Variants in CREB3L3 observed in about 807,000 individuals in gnomAD.
The protein encoded by CREB3L3 is cAMP responsive element binding protein 3 like 3.
A neutral mutation model predicts 44.6 loss-of-function variants in CREB3L3; 40 were observed. The ratio of observed to expected loss-of-function variants is 0.90; its 90% CI spans 0.70 to 1.17. CREB3L3 has a LOEUF of 1.17. CREB3L3 is among the 50% of genes most tolerant of loss of function. The pLI is 0.00. For synonymous variants in CREB3L3, 273 were observed against 256.3 expected (o/e 1.06, Z -0.62); for missense variants, 578 against 595.8 (o/e 0.97, Z 0.31).
At chr19:4,165,849 C>T (rs1966894122) in intron 5 of CREB3L3, among the ~76,000 whole-genome samples, 1 of 151,928 alleles carries the variant, frequency 6.6e-6, no homozygotes, top group African/African-American at 2.4e-5. Context: ...TGCACTCCAG[C>T]CTGGGTGACA....
rs141964111 is a variant in CREB3L3, at chr19:4,163,328, A to AAAAGAAAGAAAGAAAGAAAG, written c.577-1168_577-1149dup. Among the ~76,000 whole-genome samples, 64 of 135,784 alleles carry AAAAGAAAGAAAGAAAGAAAG rather than the reference A, an allele frequency of 4.7e-4. 1 individual carries two copies. Among genetic ancestry groups the AAAAGAAAGAAAGAAAGAAAG allele is most frequent in the South Asian group, 2.3e-3 (9 of 3,998 alleles). 89.1% of individuals were successfully genotyped at this position (135,784 alleles called of 152,430 possible). On this transcript the variant is annotated intron_variant, in intron 4 of 9. Transcript: ENST00000078445. ...TCTAAGAAAGAAAGAAAGAAGAAAG[A>AAAAGAAAGAAAGAAAGAAAG]AAAGAAAGAAAGAAAGAAAGAAAGA...
At chr19:4,154,738 C>G (rs1175720181) in intron 1 of CREB3L3, among the ~76,000 whole-genome samples, 161 bp from the exon 2 acceptor site, 4 of 152,120 alleles carry the variant, frequency 2.6e-5, no homozygotes, top group Non-Finnish European at 4.4e-5. Context: ...CCTCAAAGTC[C>G]AGATTTGGAA....
chr19:4,171,760 G>T lies in CREB3L3; in HGVS notation c.1177G>T (p.Glu393Ter), dbSNP rs777355214. The part of the protein sequence containing the change: ...GPRPEADTTR[E>*]ESPGSPGADW... ...CCGACCCGAGGCTGACACAACCCGAGAAGAGTCTCCAGGAAGCCCCGGGGC... is the reference window on the plus strand; with the variant it reads ...CCGACCCGAGGCTGACACAACCCGATAAGAGTCTCCAGGAAGCCCCGGGGC... The change falls in exon 10 of 10, where the codon GAA (glutamate) becomes TAA (stop). Residue 393 changes from glutamate to a stop codon, truncating the protein, a stop_gained. Coordinates refer to ENST00000078445, the MANE Select transcript of CREB3L3 (RefSeq NM_032607.3). LOFTEE classifies it low-confidence loss of function (END_TRUNC). The surrounding 1 kb of genome is among the most constrained non-coding windows in gnomAD (Gnocchi z 4.9). 1 of 1,613,398 alleles carries T rather than the reference G, an allele frequency of 6.2e-7. No homozygotes were observed. The highest frequency in any genetic ancestry group is 1.1e-5 in the South Asian group (1 of 91,086).
At chr19:4,157,451 C>T (rs935548733) in intron 3 of CREB3L3, among the ~76,000 whole-genome samples, 156 bp downstream of exon 3, 2 of 152,168 alleles carry the variant, frequency 1.3e-5, no homozygotes, top group African/African-American at 4.8e-5. Context: ...CACGTGTCTC[C>T]CTTGGCTAGG....
intron 5 of CREB3L3, among the ~76,000 whole-genome samples, chr19:4,167,171 T>C (rs1165331831): frequency 6.6e-6 from 1 of 151,868 alleles, no homozygotes; most frequent in Non-Finnish European, 1.5e-5. Context: ...GGTGAAACCC[T>C]GTCTCTACTA....
At position 4,172,425 on chromosome 19, in the gene CREB3L3, C is replaced by T. The variant is rs1967074907; in HGVS notation, c.*456C>T. On this transcript the variant is annotated 3_prime_UTR_variant, in exon 10 of 10. Coordinates refer to ENST00000078445, the MANE Select transcript of CREB3L3 (RefSeq NM_032607.3). The stretch of plus-strand genomic sequence containing the variant: ...GATCCGGACAGACAGACAGAAACAG[C>T]CTGAAACAGACCCAGACAGACAGAC... 3.5e-6 allele frequency: 1 copy of T among 287,842 alleles called. No homozygotes were observed. Among genetic ancestry groups the T allele is most frequent in the Non-Finnish European group, 6.5e-6 (1 of 154,776 alleles). The allele number at this position is 287,842 out of a possible 1,614,324, so 17.8% of individuals were successfully genotyped here. A position where few individuals can be genotyped will look rare whatever the true frequency, so the allele number is the denominator to read the frequency against.
At chr19:4,157,428 C>T (rs1484390247) in intron 3 of CREB3L3, 133 bp downstream of exon 3, 2 of 994,310 alleles carry the variant, frequency 2.0e-6, no homozygotes, top group Non-Finnish European at 1.5e-6. Flanking sequence ...TGGGCCCAGA[C>T]TCAAACTCAG....
chr19:4,163,351 A>AGAAGGAAGGAAG (rs1555703364), intron 4 of CREB3L3, among the ~76,000 whole-genome samples: 96 of 117,074 alleles, frequency 8.2e-4, no homozygotes, highest in African/African-American at 1.8e-3. Context: ...AAAGAAAGAA[A>AGAAGGAAGGAAG]GAAGGAAGGA....
In CREB3L3 at chr19:4,171,691, C is replaced by T. The variant is rs769400833; in HGVS notation, c.1108C>T (p.Arg370Cys). The change falls in exon 10 of 10, where the codon CGC becomes TGC. Residue 370 changes from arginine (R) to cysteine (C), a missense_variant. Coordinates refer to ENST00000078445, the MANE Select transcript of CREB3L3 (RefSeq NM_032607.3). This position sits in a 1 kb window ranked among gnomAD's most constrained non-coding sequence, Gnocchi z 4.9. ...AACTTTGCACAACGATGCTGCCTCCCGCGTGGCTGCTGATGCTGTGCCAGG... is the reference window on the plus strand; with the variant it reads ...AACTTTGCACAACGATGCTGCCTCCTGCGTGGCTGCTGATGCTGTGCCAGG... ...SRTLHNDAAS[R>C]VAADAVPGSE... The T allele has an allele frequency of 2.2e-5, 36 of 1,613,188 alleles. 1 individual carries two copies. In the Admixed American group the frequency reaches 2.7e-4, roughly 12 times the overall value.
chr19:4,163,281 C>T (rs1049486910), intron 4 of CREB3L3, among the ~76,000 whole-genome samples: 2 of 139,906 alleles, frequency 1.4e-5, no homozygotes, highest in Non-Finnish European at 3.1e-5. Flanking sequence ...GCACTCCAGC[C>T]TGGGCGACAG....
At chr19:4,162,001 GTTTTA>G (rs1365478305) in intron 4 of CREB3L3, among the ~76,000 whole-genome samples, 3 of 152,086 alleles carry the variant, frequency 2.0e-5, no homozygotes, top group Non-Finnish European at 4.4e-5. Flanking sequence ...GGCTTATTTT[GTTTTA>G]TTTTATTTGT....
At chr19:4,161,602 G>T (rs1037727300) in intron 4 of CREB3L3, among the ~76,000 whole-genome samples, 15 of 144,186 alleles carry the variant, frequency 1.0e-4, no homozygotes, top group Non-Finnish European at 3.0e-5. Flanking sequence ...AGCCAGGTTT[G>T]ACAACCCAAA....
chr19:4,161,984 G>A (rs1260548143), intron 4 of CREB3L3, among the ~76,000 whole-genome samples: 1 of 152,180 alleles, frequency 6.6e-6, no homozygotes, highest in East Asian at 1.9e-4. Flanking sequence ...CTTTGGCAAT[G>A]ATAACTGGCT....
chr19:4,154,908 G>A lies in CREB3L3; in HGVS notation c.37G>A (p.Ala13Thr), dbSNP rs1451367608. 15 of 1,613,810 alleles carry A rather than the reference G, an allele frequency of 9.3e-6. No homozygotes were observed. The highest frequency in any genetic ancestry group is 1.3e-5 in the Non-Finnish European group (15 of 1,180,032). ...TDLAAGKMAS[A>T]ACSMDPIDSF... ...GTTCCTCGCGCCCCAGATGGCTTCT[G>A]CTGCCTGCTCCATGGACCCCATCGA... The change falls in exon 2 of 10, where the codon GCT (alanine) becomes ACT (threonine). Residue 13 changes from alanine to threonine, a missense_variant. Transcript: ENST00000078445.
chr19:4,158,745 G>A (rs965110283), intron 3 of CREB3L3, among the ~76,000 whole-genome samples: 1 of 150,048 alleles, frequency 6.7e-6, no homozygotes, highest in African/African-American at 2.5e-5. Context: ...AGGTTGCGGT[G>A]AGCCAAGATT....
At position 4,172,495 on chromosome 19, in the gene CREB3L3, T is replaced by C. The variant is rs1460504006; in HGVS notation, c.*526T>C. On this transcript the variant is annotated 3_prime_UTR_variant, in exon 10 of 10. Coordinates refer to ENST00000078445, the MANE Select transcript of CREB3L3 (RefSeq NM_032607.3). Reference sequence around the variant, plus strand: ...CCCGGACAGACAGACAGACACAGCCTGAAACAGACCCGGACAGACAGACAG... The same window carrying C: ...CCCGGACAGACAGACAGACACAGCCCGAAACAGACCCGGACAGACAGACAG... 1.7e-5 allele frequency: 4 copies of C among 230,346 alleles called. No individual in the cohort carries two copies. Among genetic ancestry groups the C allele is most frequent in the East Asian group, 1.5e-4 (1 of 6,816 alleles). The allele number at this position is 230,346 out of a possible 1,614,324, so 14.3% of individuals were successfully genotyped here.
intron 6 of CREB3L3, 142 bp downstream of exon 6, chr19:4,168,599 T>C (rs1442034907): frequency 1.2e-5 from 8 of 691,482 alleles, no homozygotes; most frequent in Non-Finnish European, 2.0e-5. Flanking sequence ...TGCTTCTTAC[T>C]GATTGCAGGG....
At chr19:4,158,099 C>T (rs960958544) in intron 3 of CREB3L3, among the ~76,000 whole-genome samples, 4 of 152,030 alleles carry the variant, frequency 2.6e-5, no homozygotes, top group African/African-American at 9.7e-5. Context: ...TAAGCATTCC[C>T]GGCGGGCCAG....
chr19:4,170,342 G>A (rs1460460206), intron 7 of CREB3L3, 134 bp downstream of exon 7: 3 of 846,528 alleles, frequency 3.5e-6, no homozygotes, highest in East Asian at 2.7e-5. Context: ...GCGTGCAGTG[G>A]CTCACGCCTG....
Sources: gnomAD v4.1 joint callset for allele counts (sites outside exome capture counted in the v4.1 genomes callset) on GRCh38, gnomAD v4.1.1 for gene constraint, Gnocchi (gnomAD v3.1) non-coding constraint, MANE v1.5 for transcripts, NCBI Gene and HGNC (gene_info 2026-07-23, HGNC 2026-07-21) for gene names.